The following LSAMP variants were observed in gnomAD, a reference collection of about 807,000 sequenced individuals.
LSAMP encodes limbic system-associated membrane protein.
In LSAMP, 7 loss-of-function variants were observed where a neutral mutation model predicts 38.6. That is an observed-to-expected ratio of 0.18 (90% confidence interval 0.10 to 0.34). The LOEUF (loss-of-function observed/expected upper bound fraction) is 0.34, where lower values mean the gene tolerates loss of function less well. Ranked by LOEUF, LSAMP falls within the 10% of genes least tolerant of loss-of-function variation. The probability of loss-of-function intolerance (pLI) is 1.00; values close to 1 mark genes in which losing one functional copy is unlikely to be tolerated. For missense variants in LSAMP, 313 were observed against 420.0 expected (o/e 0.75, Z 2.23); for synonymous variants, 154 against 166.8 (o/e 0.92, Z 0.59).
intron 1 of LSAMP, among the ~76,000 whole-genome samples, chr3:116,139,817 C>T (rs542873000): frequency 2.6e-5 from 4 of 152,088 alleles, no homozygotes; most frequent in Non-Finnish European, 4.4e-5. Flanking sequence ...TAGCCAGGCA[C>T]TCTATGACTC....
chr3:115,843,137 T>C (rs1156977898), intron 4 of LSAMP, among the ~76,000 whole-genome samples: 1 of 152,228 alleles, frequency 6.6e-6, no homozygotes, highest in East Asian at 1.9e-4. Context: ...CCTTCTTTTA[T>C]TTTATGTGTT....
chr3:115,923,119 C>T (rs1212087785), intron 3 of LSAMP, among the ~76,000 whole-genome samples: 1 of 152,196 alleles, frequency 6.6e-6, no homozygotes, highest in Non-Finnish European at 1.5e-5. Flanking sequence ...CAAGCTGCCT[C>T]TTTCCATGCT....
intron 1 of LSAMP, among the ~76,000 whole-genome samples, chr3:116,284,556 GCAGC>G: frequency 6.6e-6 from 1 of 152,296 alleles, no homozygotes; most frequent in South Asian, 2.1e-4. Flanking sequence ...TCTCAGAAAT[GCAGC>G]CTATCTTCTT....
chr3:116,414,323 AG>A (rs1375621557), intron 1 of LSAMP, among the ~76,000 whole-genome samples: 1 of 152,112 alleles, frequency 6.6e-6, no homozygotes, highest in Admixed American at 6.6e-5. Flanking sequence ...TCTACCCTGC[AG>A]CGCAGTGGAT....
At chr3:116,023,604 CAAAAA>C (rs71141849) in intron 2 of LSAMP, among the ~76,000 whole-genome samples, 1 of 78,058 alleles carries the variant, frequency 1.3e-5, no homozygotes, top group Non-Finnish European at 2.5e-5. Context: ...GACTCCGTCT[CAAAAA>C]AAAAAAAAAA....
intron 2 of LSAMP, among the ~76,000 whole-genome samples, chr3:116,070,018 T>C (rs533165351): frequency 3.4e-4 from 51 of 151,956 alleles, no homozygotes; most frequent in African/African-American, 1.2e-3. Context: ...ATCACACAAC[T>C]AAAGGAGATC....
chr3:116,253,017 G>A (rs978074010), intron 1 of LSAMP, among the ~76,000 whole-genome samples: 1 of 152,116 alleles, frequency 6.6e-6, no homozygotes, highest in Non-Finnish European at 1.5e-5. Context: ...GAATCAATAC[G>A]ACATTCAACT....
intron 3 of LSAMP, among the ~76,000 whole-genome samples, chr3:115,874,852 C>G (rs2107409284): frequency 6.6e-6 from 1 of 151,566 alleles, no homozygotes; most frequent in East Asian, 1.9e-4. Context: ...AAGTGGAGAT[C>G]CAAAGGAGAA....
chr3:116,019,305 G>C (rs1940572652), intron 3 of LSAMP, among the ~76,000 whole-genome samples: 1 of 152,032 alleles, frequency 6.6e-6, no homozygotes, highest in Admixed American at 6.6e-5. Flanking sequence ...TAACACGTTA[G>C]CAAAGACCAT....
intron 2 of LSAMP, among the ~76,000 whole-genome samples, chr3:116,061,832 G>A (rs1337364426): frequency 3.3e-5 from 5 of 152,122 alleles, no homozygotes; most frequent in Admixed American, 1.3e-4. Context: ...ACAAACATTC[G>A]TTGAATGTAT....
intron 2 of LSAMP, among the ~76,000 whole-genome samples, chr3:116,079,082 T>C (rs1389625999): frequency 6.6e-6 from 1 of 152,130 alleles, no homozygotes; most frequent in Non-Finnish European, 1.5e-5. Context: ...CATCACAAGG[T>C]TCATTTTAGC....
chr3:115,962,212 A>G (rs1390610544), intron 3 of LSAMP, among the ~76,000 whole-genome samples: 1 of 152,228 alleles, frequency 6.6e-6, no homozygotes, highest in Non-Finnish European at 1.5e-5. Flanking sequence ...GAAGAATTAT[A>G]GAAGTTACTA....
chr3:115,876,581 G>C (rs1284506225), intron 3 of LSAMP, among the ~76,000 whole-genome samples: 1 of 151,806 alleles, frequency 6.6e-6, no homozygotes, highest in Non-Finnish European at 1.5e-5. Context: ...TCATTCTCTG[G>C]GTCAACTCTG....
At chr3:116,111,178 G>A (rs1368031210) in intron 1 of LSAMP, among the ~76,000 whole-genome samples, 10 of 152,152 alleles carry the variant, frequency 6.6e-5, no homozygotes, top group Non-Finnish European at 1.2e-4. Flanking sequence ...GGGCATATAC[G>A]TGCAAGTCAC....
intron 3 of LSAMP, among the ~76,000 whole-genome samples, chr3:115,862,180 T>C (rs1026748608): frequency 1.3e-5 from 2 of 151,796 alleles, no homozygotes; most frequent in African/African-American, 4.9e-5. Flanking sequence ...TCATCAGAAC[T>C]GTGGGGGTAT....
At chr3:116,387,190 G>C (rs2107807906) in intron 1 of LSAMP, among the ~76,000 whole-genome samples, 1 of 152,138 alleles carries the variant, frequency 6.6e-6, no homozygotes, top group South Asian at 2.1e-4. Flanking sequence ...AATTAATCAG[G>C]GTCTGGCACT....
At chr3:116,116,725 T>C (rs991814248) in intron 1 of LSAMP, among the ~76,000 whole-genome samples, 8 of 150,856 alleles carry the variant, frequency 5.3e-5, no homozygotes, top group Non-Finnish European at 1.0e-4. Flanking sequence ...CAAATAATAA[T>C]GATAATAATA....
At chr3:116,082,844 T>C (rs2864066) in intron 2 of LSAMP, among the ~76,000 whole-genome samples, 25,846 of 151,748 alleles carry the variant, frequency 0.17, 2,274 homozygotes, top group African/African-American at 0.21. Context: ...GATAAGAACT[T>C]ATGAACACAA....
At position 116,159,757 on chromosome 3, in the gene LSAMP, C is replaced by A. The variant is rs900623457; in HGVS notation, c.156-73201G>T. On this transcript the variant is annotated intron_variant, in intron 1 of 6. Coordinates refer to ENST00000490035, the MANE Select transcript of LSAMP (RefSeq NM_002338.5). ...ACATAAAGGAATGTAAATCATTCTA[C>A]TGTAAAGACACATGCATGCTTATGT... Among the ~76,000 whole-genome samples, 5 of 152,164 alleles carry A rather than the reference C, an allele frequency of 3.3e-5. No individual in the cohort carries two copies. The East Asian group carries it at 9.6e-4, about 29-fold the overall frequency.
Sources: gnomAD v4.1 joint callset for allele counts (sites outside exome capture counted in the v4.1 genomes callset) on GRCh38, gnomAD v4.1.1 for gene constraint, MANE v1.5 for transcripts, NCBI Gene and HGNC (gene_info 2026-07-23, HGNC 2026-07-21) for gene names.